The following PLXNA4 variants were observed in gnomAD, a reference collection of about 807,000 sequenced individuals.
PLXNA4 encodes plexin A4.
Under a neutral mutation model 191.8 loss-of-function variants are expected in PLXNA4, and 44 were observed. The observed-to-expected ratio is 0.23, with a 90% CI of 0.18 to 0.29. PLXNA4 has a LOEUF of 0.29. PLXNA4 is among the 10% of genes least tolerant of loss of function. The probability of loss-of-function intolerance (pLI) is 1.00; values close to 1 mark genes in which losing one functional copy is unlikely to be tolerated. For missense variants in PLXNA4, 1,800 were observed against 2,488.8 expected, an observed-to-expected ratio of 0.72 and a Z score of 5.89; for synonymous variants, 1,082 against 1,009.5, an observed-to-expected ratio of 1.07 and a Z score of -1.36.
intron 13 of PLXNA4, among the ~76,000 whole-genome samples, chr7:132,196,474 C>T (rs1397426102): frequency 1.3e-5 from 2 of 152,182 alleles, no homozygotes; most frequent in South Asian, 4.1e-4. Flanking sequence ...GATTTAATGG[C>T]TGTGTAGTTT....
intron 3 of PLXNA4, among the ~76,000 whole-genome samples, chr7:132,333,288 A>T (rs10234146): frequency 0.22 from 33,200 of 152,050 alleles, 3,734 homozygotes; most frequent in Middle Eastern, 0.23. Context: ...ACCCAATGAC[A>T]ATTTGGCACA....
At chr7:132,622,562 C>T (rs1803289067) in intron 2 of PLXNA4, among the ~76,000 whole-genome samples, 1 of 151,834 alleles carries the variant, frequency 6.6e-6, no homozygotes, top group Admixed American at 6.6e-5. Flanking sequence ...AAAAAAAATC[C>T]CTGGCCTATG....
chr7:132,371,443 TGA>T (rs1189070149), intron 3 of PLXNA4, among the ~76,000 whole-genome samples: 5 of 152,170 alleles, frequency 3.3e-5, no homozygotes, highest in African/African-American at 1.2e-4. Flanking sequence ...TCACTTCTTG[TGA>T]GAGTTTCCTG....
At chr7:132,547,907 A>G (rs1312671361) in intron 1 of PLXNA4, among the ~76,000 whole-genome samples, 3 of 152,214 alleles carry the variant, frequency 2.0e-5, no homozygotes, top group African/African-American at 7.2e-5. Context: ...AGCCACAACT[A>G]CAGATCCCAA....
Position 132,433,986 on chromosome 7 carries a change from A to G in PLXNA4, c.1371+55306T>C, listed in dbSNP as rs550050173. 5.9e-5 allele frequency among the ~76,000 whole-genome samples: 9 copies of G among 152,334 alleles called. No homozygotes were observed. The East Asian group carries it at 1.5e-3, about 26-fold the overall frequency. On this transcript the variant is annotated intron_variant, in intron 3 of 31. Transcript: ENST00000321063. ...GAGATGGATGAACCAGTGTCAGCCC[A>G]TCAATGAAAGCATGTTCAGCACCTA... is the stretch of plus-strand genomic sequence containing the variant.
At chr7:132,224,266 C>T (rs531104170) in intron 8 of PLXNA4, among the ~76,000 whole-genome samples, 20 of 152,278 alleles carry the variant, frequency 1.3e-4, no homozygotes, top group African/African-American at 2.2e-4. Flanking sequence ...CTGCCCCCAA[C>T]GCAGGTTTGT....
intron 4 of PLXNA4, among the ~76,000 whole-genome samples, chr7:132,251,053 T>TTG (rs1799230533): frequency 7.8e-6 from 1 of 128,712 alleles, no homozygotes; most frequent in African/African-American, 2.5e-5. Context: ...GTTCCAGCCT[T>TTG]TTTTTTTTTT....
chr7:132,302,570 G>C (rs117146664), intron 3 of PLXNA4, among the ~76,000 whole-genome samples: 3,388 of 151,790 alleles, frequency 0.022, 60 homozygotes, highest in Middle Eastern at 0.041. Context: ...AGCCAAAAAG[G>C]CCCACAAAAT....
intron 3 of PLXNA4, among the ~76,000 whole-genome samples, chr7:132,302,836 A>T (rs1046260754): frequency 5.9e-5 from 9 of 152,116 alleles, no homozygotes; most frequent in Admixed American, 3.9e-4. Context: ...CAACACTTGT[A>T]ACATGACAAC....
In PLXNA4 at chr7:132,599,140, C is replaced by T. The variant is rs571074301; in HGVS notation, c.-87+46788G>A. On this transcript the variant is annotated intron_variant, in intron 2 of 4. Coordinates refer to the PLXNA4 transcript ENST00000378539. ...TGCCTGACCACCCCAGTTTTTGCTA[C>T]CACGTGTTTCTAATATGTCTTAAAG... Among the ~76,000 whole-genome samples, 4 of 152,246 alleles carry T rather than the reference C, an allele frequency of 2.6e-5. No homozygotes were observed. The South Asian group carries it at 8.3e-4, about 32-fold the overall frequency.
chr7:132,361,067 C>T (rs1803920450), intron 3 of PLXNA4, among the ~76,000 whole-genome samples: 1 of 152,198 alleles, frequency 6.6e-6, no homozygotes, highest in South Asian at 2.1e-4. Context: ...GATCGTCCTC[C>T]ATGCCATCCA....
intron 2 of PLXNA4, among the ~76,000 whole-genome samples, chr7:132,633,535 C>T (rs1249910387): frequency 6.6e-6 from 1 of 152,146 alleles, no homozygotes. Flanking sequence ...CCTGCCTCGG[C>T]CTTCCAAAGT....
At chr7:132,148,784 A>G (rs1158113903) in intron 25 of PLXNA4, 138 bp from the exon 26 acceptor site, 8 of 1,356,266 alleles carry the variant, frequency 5.9e-6, no homozygotes, top group Non-Finnish European at 7.8e-6. Context: ...TCCTGCGAAA[A>G]TGGAGTGCCA....
At chr7:132,328,676 G>A (rs943596925) in intron 3 of PLXNA4, among the ~76,000 whole-genome samples, 2 of 152,174 alleles carry the variant, frequency 1.3e-5, no homozygotes, top group African/African-American at 4.8e-5. Flanking sequence ...GAGCAGGAGA[G>A]CATGGGCTTG....
intron 23 of PLXNA4, 82 bp from the exon 24 acceptor site, chr7:132,164,370 C>T (rs1293759451): frequency 6.5e-7 from 1 of 1,547,778 alleles, no homozygotes; most frequent in Admixed American, 1.9e-5. Context: ...CAAAGGGCTG[C>T]TTCCATCCCC....
At position 132,128,017 on chromosome 7, in the gene PLXNA4, G is replaced by GCACT. The variant is rs1410607627; in HGVS notation, c.*2458_*2461dup. The stretch of plus-strand genomic sequence containing the variant: ...AAAAAAAAAAAAAAAAAATCAAAAT[G>GCACT]CACTCACTCATACACACGTTCACAC... On this transcript the variant is annotated 3_prime_UTR_variant, in exon 32 of 32. Transcript: ENST00000321063. 1 of 113,526 alleles carries GCACT rather than the reference G, an allele frequency of 8.8e-6. No homozygotes were observed. Among genetic ancestry groups the GCACT allele is most frequent in the African/African-American group, 3.2e-5 (1 of 31,240 alleles). The allele number at this position is 113,526 out of a possible 1,614,324, so 7.0% of individuals were successfully genotyped here.
rs541825934 is a variant in PLXNA4 at position 132,303,138 on chromosome 7, G to A, written c.1372-4916C>T. Among the ~76,000 whole-genome samples the A allele has an allele frequency of 6.7e-4, 102 of 151,928 alleles. 1 individual carries two copies. Among genetic ancestry groups the A allele is most frequent in the Non-Finnish European group, 6.2e-4 (42 of 67,976 alleles). ...TCTGCCCGCCTCGGCCTCCCAAAGT[G>A]CTGGGATTACAGGCGTGAGCCACCA... is the stretch of plus-strand genomic sequence containing the variant. On this transcript the variant is annotated intron_variant, in intron 3 of 31. Transcript: ENST00000321063.
rs757827920 is a variant in PLXNA4, at chr7:132,563,649, TCTC to T, written c.-87+12770_-87+12772del. Among the ~76,000 whole-genome samples the T allele has an allele frequency of 1.1e-3, 42 of 38,272 alleles. No individual in the cohort carries two copies. In the East Asian group the frequency reaches 0.038, roughly 35 times the overall value. The allele number at this position is 38,272 out of a possible 152,430, so 25.1% of individuals were successfully genotyped here. A position where few individuals can be genotyped will look rare whatever the true frequency, so the allele number is the denominator to read the frequency against. ...TTCTCTTCCTCCTTCTCCTCCTCCT[TCTC>T]CTCTTCCTCCTCCTTCTCCTCCTCT... On this transcript the variant is annotated intron_variant, in intron 1 of 31. Coordinates refer to ENST00000321063, the MANE Select transcript of PLXNA4 (RefSeq NM_020911.2).
At chr7:132,496,235 C>T (rs564043467) in intron 2 of PLXNA4, among the ~76,000 whole-genome samples, 5 of 152,136 alleles carry the variant, frequency 3.3e-5, no homozygotes, top group Admixed American at 6.5e-5. Context: ...ATTTCAGATG[C>T]GGAAAATAAC....
Sources: allele counts gnomAD v4.1 joint callset (sites outside exome capture counted in the v4.1 genomes callset), GRCh38; gene constraint gnomAD v4.1.1; transcripts MANE v1.5; gene names NCBI Gene and HGNC (gene_info 2026-07-23, HGNC 2026-07-21).